Variants in CADM1 observed in about 807,000 individuals in gnomAD.
The protein encoded by CADM1 is TSLC-1.
CADM1 carries 15 observed loss-of-function variants against 53.1 expected under a neutral mutation model. That is an observed-to-expected ratio of 0.28 (90% CI 0.19 to 0.44). The LOEUF is 0.44. Ranked by LOEUF, CADM1 falls within the 20% of genes least tolerant of loss-of-function variation. The pLI is 1.00. For missense variants in CADM1, 434 were observed against 611.3 expected (o/e 0.71, Z 3.06); for synonymous variants, 281 against 243.0 (o/e 1.16, Z -1.45).
At chr11:115,466,151 C>T (rs1026532948) in intron 1 of CADM1, among the ~76,000 whole-genome samples, 9 of 152,134 alleles carry the variant, frequency 5.9e-5, no homozygotes, top group Non-Finnish European at 1.0e-4. Context: ...CTGTGGCACC[C>T]CAAAATCAAA....
At chr11:115,469,164 A>T (rs139003512) in intron 1 of CADM1, among the ~76,000 whole-genome samples, 5 of 152,180 alleles carry the variant, frequency 3.3e-5, no homozygotes, top group African/African-American at 1.2e-4. Context: ...ACTCTTATAG[A>T]AGCTCTGATT....
In CADM1 at chr11:115,482,981, G is replaced by A. The variant is rs1015422685; in HGVS notation, c.124+21290C>T. Among the ~76,000 whole-genome samples, 10 of 152,054 alleles carry A rather than the reference G, an allele frequency of 6.6e-5. No homozygotes were observed. The East Asian group carries it at 1.2e-3, about 18-fold the overall frequency. The stretch of plus-strand genomic sequence containing the variant: ...CTGTCATTGGGCAAGCAGTGAACAC[G>A]GAATAATTATTTCATACTTTTCCCT... On this transcript the variant is annotated intron_variant, in intron 1 of 11. Transcript: ENST00000331581.
At chr11:115,441,948 A>G (rs1948323345) in intron 1 of CADM1, among the ~76,000 whole-genome samples, 1 of 152,188 alleles carries the variant, frequency 6.6e-6, no homozygotes, top group African/African-American at 2.4e-5. Context: ...TATATTATTG[A>G]GGACTGGGCA....
intron 1 of CADM1, among the ~76,000 whole-genome samples, chr11:115,447,361 G>GA (rs1948473306): frequency 6.6e-6 from 1 of 152,070 alleles, no homozygotes; most frequent in South Asian, 2.1e-4. Context: ...TGTAAAATGG[G>GA]ATATATAATC....
chr11:115,450,148 C>G (rs1393900405), intron 1 of CADM1, among the ~76,000 whole-genome samples: 1 of 152,074 alleles, frequency 6.6e-6, no homozygotes, highest in Non-Finnish European at 1.5e-5. Context: ...GTTCAACCAC[C>G]AAAAATAAGG....
rs184861394 is a variant in CADM1, at chr11:115,458,484, G to A, written c.124+45787C>T. The stretch of plus-strand genomic sequence containing the variant: ...TGGCAGGCAGTAGGTATTCCTAAAT[G>A]TTAGCTGTAATTATTATTATTATTA... On this transcript the variant is annotated intron_variant, in intron 1 of 11. Transcript: ENST00000331581. Among the ~76,000 whole-genome samples the A allele has an allele frequency of 8.4e-5, 11 of 131,584 alleles. No individual in the cohort carries two copies. In the East Asian group the frequency reaches 2.4e-3, roughly 29 times the overall value. The allele number at this position is 131,584 out of a possible 152,430, so 86.3% of individuals were successfully genotyped here.
intron 1 of CADM1, among the ~76,000 whole-genome samples, chr11:115,311,500 C>G (rs576756571): frequency 1.3e-5 from 2 of 152,036 alleles, no homozygotes; most frequent in African/African-American, 4.8e-5. Flanking sequence ...TAGTGTAGAC[C>G]GTGGGTTTCA....
intron 2 of CADM1, among the ~76,000 whole-genome samples, chr11:115,239,710 T>C (rs1803401284): frequency 6.9e-6 from 1 of 144,740 alleles, no homozygotes; most frequent in African/African-American, 2.5e-5. Flanking sequence ...ATAACAGTTT[T>C]TGGTTTTTTT....
At chr11:115,419,993 T>C (rs997546472) in intron 1 of CADM1, among the ~76,000 whole-genome samples, 1 of 152,180 alleles carries the variant, frequency 6.6e-6, no homozygotes, top group Non-Finnish European at 1.5e-5. Flanking sequence ...TCTCCTCCAT[T>C]GTTAACTTGA....
In CADM1 at chr11:115,383,270, CG is replaced by C. The variant is rs1189480169; in HGVS notation, c.124+121000del. 2.0e-5 allele frequency among the ~76,000 whole-genome samples: 3 copies of C among 152,280 alleles called. No homozygotes were observed. The East Asian group carries it at 5.8e-4, about 29-fold the overall frequency. On this transcript the variant is annotated intron_variant, in intron 1 of 11. Transcript: ENST00000331581. Reference sequence around the variant, plus strand: ...TCGAATGCTATCCATGCCCAGGAAGCGTACAGCTCTATTTCAGAAATGTACA... The same window carrying C: ...TCGAATGCTATCCATGCCCAGGAAGCTACAGCTCTATTTCAGAAATGTACA...
At chr11:115,275,297 G>C (rs1196653604) in intron 1 of CADM1, among the ~76,000 whole-genome samples, 3 of 152,082 alleles carry the variant, frequency 2.0e-5, no homozygotes, top group Non-Finnish European at 4.4e-5. Flanking sequence ...TCATTTTTCA[G>C]ATCTCAGTGC....
intron 1 of CADM1, among the ~76,000 whole-genome samples, chr11:115,372,176 T>C (rs1237404179): frequency 2.6e-5 from 4 of 152,206 alleles, no homozygotes; most frequent in African/African-American, 9.6e-5. Flanking sequence ...CTGTACTCCA[T>C]GCAAATTCAT....
chr11:115,448,163 C>G (rs1245879715), intron 1 of CADM1, among the ~76,000 whole-genome samples: 6 of 152,140 alleles, frequency 3.9e-5, no homozygotes, highest in Non-Finnish European at 8.8e-5. Context: ...ATAAGAATAA[C>G]TATAAATGAT....
chr11:115,440,844 A>G (rs1042784676), intron 1 of CADM1, among the ~76,000 whole-genome samples: 1 of 152,128 alleles, frequency 6.6e-6, no homozygotes, highest in South Asian at 2.1e-4. Context: ...ACTGGCATGA[A>G]CGTGAGTCAC....
chr11:115,433,018 C>T (rs915689369), intron 1 of CADM1, among the ~76,000 whole-genome samples: 1 of 152,176 alleles, frequency 6.6e-6, no homozygotes, highest in Admixed American at 6.5e-5. Context: ...TTACCAACAT[C>T]CAACTTGTCA....
intron 9 of CADM1, among the ~76,000 whole-genome samples, chr11:115,197,923 A>C (rs1431085334): frequency 6.6e-6 from 1 of 152,200 alleles, no homozygotes; most frequent in Non-Finnish European, 1.5e-5. Flanking sequence ...CCTCATCAGA[A>C]GCTCACGATT....
intron 1 of CADM1, among the ~76,000 whole-genome samples, chr11:115,469,642 A>C (rs922547831): frequency 1.3e-5 from 2 of 149,538 alleles, no homozygotes; most frequent in African/African-American, 4.9e-5. Context: ...AAACTTTTAC[A>C]TAACCATACT....
chr11:115,190,068 T>G (rs1407960666), intron 10 of CADM1, among the ~76,000 whole-genome samples: 3 of 152,216 alleles, frequency 2.0e-5, no homozygotes, highest in Non-Finnish European at 1.5e-5. Context: ...CTTGAGTAAG[T>G]GTCTACAGTC....
intron 1 of CADM1, among the ~76,000 whole-genome samples, chr11:115,475,813 G>T (rs1168977544): frequency 2.0e-5 from 3 of 152,150 alleles, no homozygotes. Flanking sequence ...ACCATGAGGG[G>T]ATCCGGGTGA....
Sources: gnomAD v4.1 joint callset for allele counts (sites outside exome capture counted in the v4.1 genomes callset) on GRCh38, gnomAD v4.1.1 for gene constraint, MANE v1.5 for transcripts, NCBI Gene and HGNC (gene_info 2026-07-23, HGNC 2026-07-21) for gene names.